Variants in YTHDC2 observed in about 807,000 individuals in gnomAD.
The protein encoded by YTHDC2 is YTH N6-methyladenosine RNA binding protein C2.
A neutral mutation model predicts 174.9 loss-of-function variants in YTHDC2; 45 were observed. That is an observed-to-expected ratio of 0.26 (90% CI 0.20 to 0.33). YTHDC2 has a LOEUF of 0.33. Ranked by LOEUF, YTHDC2 falls within the 10% of genes least tolerant of loss-of-function variation. The probability of loss-of-function intolerance (pLI) is 1.00; values close to 1 mark genes in which losing one functional copy is unlikely to be tolerated. For missense variants in YTHDC2, 1,650 were observed against 1,723.7 expected, an observed-to-expected ratio of 0.96 and a Z score of 0.76; for synonymous variants, 657 against 574.5, an observed-to-expected ratio of 1.14 and a Z score of -2.05.
intron 5 of YTHDC2, 74 bp downstream of exon 5, chr5:113,533,119 G>C (rs759459677): frequency 6.6e-7 from 1 of 1,505,720 alleles, no homozygotes; most frequent in Admixed American, 2.1e-5. Context: ...TAAAAATAGA[G>C]GATGTGTTCG....
At chr5:113,542,800 C>A (rs986194809) in intron 10 of YTHDC2, among the ~76,000 whole-genome samples, 14 of 152,130 alleles carry the variant, frequency 9.2e-5, no homozygotes, top group Non-Finnish European at 1.8e-4. Context: ...TGTGTATATA[C>A]TCTTGTCTTT....
At chr5:113,580,419 G>A (rs1170842514) in intron 24 of YTHDC2, among the ~76,000 whole-genome samples, 1 of 152,056 alleles carries the variant, frequency 6.6e-6, no homozygotes, top group African/African-American at 2.4e-5. Context: ...CTGAATTGGG[G>A]GTTTGAGGGA....
At chr5:113,576,173 A>G (rs1261932192) in intron 23 of YTHDC2, among the ~76,000 whole-genome samples, 2 of 152,084 alleles carry the variant, frequency 1.3e-5, no homozygotes, top group East Asian at 3.9e-4. Context: ...TAGCAATACA[A>G]ATTTGGAAGT....
At chr5:113,532,273 C>CT (rs1029319079) in intron 4 of YTHDC2, among the ~76,000 whole-genome samples, 2 of 151,248 alleles carry the variant, frequency 1.3e-5, no homozygotes, top group South Asian at 2.1e-4. Context: ...TTGTGTAAAA[C>CT]TTTTTTTTTC....
chr5:113,579,769 T>A (rs531950930), intron 24 of YTHDC2, 74 bp downstream of exon 24: 115 of 1,392,328 alleles, frequency 8.3e-5, no homozygotes, highest in South Asian at 3.3e-4. Context: ...TATGATAAAA[T>A]TTTTTTCTTT....
At chr5:113,567,404 TTATATATATA>T (rs368320106) in intron 22 of YTHDC2, 107 bp downstream of exon 22, 1 of 286,868 alleles carries the variant, frequency 3.5e-6, no homozygotes, top group Non-Finnish European at 5.5e-6. Context: ...AATTAATTAG[TTATATATATA>T]TATATATATA....
intron 23 of YTHDC2, among the ~76,000 whole-genome samples, chr5:113,568,318 C>T (rs772391908): frequency 1.7e-4 from 26 of 152,106 alleles, no homozygotes; most frequent in African/African-American, 5.8e-4. Context: ...ATATTAATGA[C>T]TGCAAAATAG....
Position 113,564,072 on chromosome 5 carries a change from A to C in YTHDC2, c.2656A>C (p.Arg886=). ...TCAAAAACGTGCAGCTATGCTTTGT[A>C]GGAAACGTTTTACTGCAGGAGCTTT... is the stretch of plus-strand genomic sequence containing the variant. ...ASQKRAAMLC[R]KRFTAGAFSD... Residue 886 remains arginine (R), a synonymous_variant, in exon 20 of 30, where the codon AGG becomes CGG. Coordinates refer to ENST00000161863, the MANE Select transcript of YTHDC2 (RefSeq NM_022828.5). 1 of 1,614,164 alleles carries C rather than the reference A, an allele frequency of 6.2e-7. No individual in the cohort carries two copies. The highest frequency in any genetic ancestry group is 8.5e-7 in the Non-Finnish European group (1 of 1,180,016).
At chr5:113,520,399 T>G (rs1332747595) in intron 2 of YTHDC2, among the ~76,000 whole-genome samples, 1 of 152,194 alleles carries the variant, frequency 6.6e-6, no homozygotes, top group African/African-American at 2.4e-5. Flanking sequence ...TTATCTTACT[T>G]ATGATCATAG....
intron 26 of YTHDC2, among the ~76,000 whole-genome samples, chr5:113,586,005 A>G (rs1778662270): frequency 6.6e-6 from 1 of 151,902 alleles, no homozygotes; most frequent in Non-Finnish European, 1.5e-5. Flanking sequence ...TATGTTTTCT[A>G]TTATTTGGCA....
chr5:113,560,121 A>T (rs181884064), intron 17 of YTHDC2, among the ~76,000 whole-genome samples: 12 of 152,280 alleles, frequency 7.9e-5, no homozygotes, highest in Admixed American at 7.8e-4. Context: ...CAATTTTATG[A>T]AAGTTTTTGT....
chr5:113,533,007 T>G lies in YTHDC2; in HGVS notation c.804T>G (p.Ile268Met), dbSNP rs1183379859. ...ERVAAERRER[I>M]GQTIGYQIRL... ...TTGCCGCAGAGAGACGGGAAAGGAT[T>G]GGTCAAACAATTGGTTATCAGATCC... Residue 268 changes from isoleucine (I) to methionine (M), a missense_variant, in exon 5 of 30, where the codon ATT becomes ATG. Transcript: ENST00000161863. 1 of 1,614,150 alleles carries G rather than the reference T, an allele frequency of 6.2e-7. No homozygotes were observed. Among genetic ancestry groups the G allele is most frequent in the East Asian group, 2.2e-5 (1 of 44,872 alleles).
At chr5:113,519,776 G>T (rs559663804) in intron 2 of YTHDC2, among the ~76,000 whole-genome samples, 1 of 152,128 alleles carries the variant, frequency 6.6e-6, no homozygotes, top group East Asian at 1.9e-4. Flanking sequence ...CCTAACAATG[G>T]TTTTTTAAAA....
At chr5:113,524,226 T>C (rs2112544970) in intron 2 of YTHDC2, among the ~76,000 whole-genome samples, 1 of 152,276 alleles carries the variant, frequency 6.6e-6, no homozygotes, top group Non-Finnish European at 1.5e-5. Context: ...TATAGGCATG[T>C]ATTATGAAAT....
chr5:113,576,508 A>G (rs1198439283), intron 23 of YTHDC2, among the ~76,000 whole-genome samples: 1 of 152,148 alleles, frequency 6.6e-6, no homozygotes, highest in Non-Finnish European at 1.5e-5. Context: ...AAATGTATAG[A>G]TATTATTCAT....
intron 4 of YTHDC2, among the ~76,000 whole-genome samples, chr5:113,528,548 C>T (rs1323016236): frequency 7.9e-5 from 12 of 151,398 alleles, no homozygotes; most frequent in East Asian, 1.9e-4. Context: ...TTTGCGACAG[C>T]GCTTCACTCT....
intron 12 of YTHDC2, among the ~76,000 whole-genome samples, chr5:113,551,657 A>G (rs1261411406): frequency 6.6e-6 from 1 of 152,084 alleles, no homozygotes; most frequent in African/African-American, 2.4e-5. Context: ...CCTAATGTAA[A>G]TGAAGGGTTG....
intron 25 of YTHDC2, chr5:113,583,331 A>G (rs908678539): frequency 6.6e-6 from 1 of 152,342 alleles, no homozygotes; most frequent in Non-Finnish European, 1.5e-5. Flanking sequence ...GAAGCAGGAA[A>G]GAAAAAACAA....
Position 113,526,825 on chromosome 5 carries a change from AAATATAT to A in YTHDC2, c.675+42_675+48del, listed in dbSNP as rs750022968. The A allele has an allele frequency of 3.3e-3, 780 of 235,052 alleles. 2 individuals carry two copies. The highest frequency in any genetic ancestry group is 0.024 in the African/African-American group (714 of 29,168). The allele number at this position is 235,052 out of a possible 1,614,324, so 14.6% of individuals were successfully genotyped here. A position where few individuals can be genotyped will look rare whatever the true frequency, so the allele number is the denominator to read the frequency against. On this transcript the variant is annotated intron_variant, in intron 4 of 29. Coordinates refer to ENST00000161863, the MANE Select transcript of YTHDC2 (RefSeq NM_022828.5). ...TGTTGTTTATAGAAAAAAAAAAAAA[AAATATAT>A]ATATATATATATATATAGTCCCATA...
Sources: allele counts gnomAD v4.1 joint callset (sites outside exome capture counted in the v4.1 genomes callset), GRCh38; gene constraint gnomAD v4.1.1; transcripts MANE v1.5; gene names NCBI Gene and HGNC (gene_info 2026-07-23, HGNC 2026-07-21).